The following ST8SIA1 variants were observed in gnomAD, a reference collection of about 807,000 sequenced individuals.
ST8SIA1 encodes the protein alpha-N-acetylneuraminide alpha-2,8-sialyltransferase.
ST8SIA1 carries 16 observed loss-of-function variants against 35.9 expected under a neutral mutation model. The observed-to-expected ratio is 0.45, with a 90% CI of 0.30 to 0.68. The LOEUF (loss-of-function observed/expected upper bound fraction) is 0.68. ST8SIA1 is among the 30% of genes least tolerant of loss of function. The pLI is 0.09. For missense variants in ST8SIA1, 383 were observed against 453.6 expected (o/e 0.84, Z 1.41); for synonymous variants, 170 against 169.6 (o/e 1.00, Z -0.02).
At chr12:22,230,880 G>A (rs1865411350) in intron 4 of ST8SIA1, among the ~76,000 whole-genome samples, 2 of 151,844 alleles carry the variant, frequency 1.3e-5, no homozygotes, top group South Asian at 4.2e-4. Flanking sequence ...GCAGTCCCCA[G>A]GCTGTTGTTT....
intron 2 of ST8SIA1, among the ~76,000 whole-genome samples, chr12:22,256,979 T>C (rs748627783): frequency 3.3e-5 from 5 of 152,226 alleles, no homozygotes; most frequent in Non-Finnish European, 7.3e-5. Context: ...TGTTTGTTTA[T>C]TCCACAAGTA....
At chr12:22,315,852 C>T (rs1241986849) in intron 1 of ST8SIA1, among the ~76,000 whole-genome samples, 3 of 151,494 alleles carry the variant, frequency 2.0e-5, no homozygotes, top group Admixed American at 1.3e-4. Context: ...AAAAGTCCAT[C>T]GGGATAAACA....
chr12:22,321,784 A>G (rs1866605625), intron 1 of ST8SIA1, among the ~76,000 whole-genome samples: 3 of 152,182 alleles, frequency 2.0e-5, no homozygotes, highest in Admixed American at 1.3e-4. Context: ...CCCCAAATTG[A>G]GACTCAGCTC....
intron 2 of ST8SIA1, among the ~76,000 whole-genome samples, chr12:22,279,196 G>A (rs1866005614): frequency 6.6e-6 from 1 of 152,194 alleles, no homozygotes; most frequent in Non-Finnish European, 1.5e-5. Context: ...GCCTTTAGGG[G>A]AATGATTGGG....
intron 4 of ST8SIA1, among the ~76,000 whole-genome samples, chr12:22,220,274 T>G (rs1166886336): frequency 6.6e-6 from 1 of 152,242 alleles, no homozygotes; most frequent in African/African-American, 2.4e-5. Flanking sequence ...CAGTCAATTA[T>G]GTCTTCCTCT....
In ST8SIA1 at chr12:22,283,874, C is replaced by T. The variant is rs187644990; in HGVS notation, c.381+3275G>A. 1.0e-3 allele frequency among the ~76,000 whole-genome samples: 154 copies of T among 152,194 alleles called. 2 individuals carry two copies. The highest frequency in any genetic ancestry group is 1.9e-4 in the Non-Finnish European group (13 of 68,014). On this transcript the variant is annotated intron_variant, in intron 2 of 4. Transcript: ENST00000396037. Reference sequence around the variant, plus strand: ...GTTCTCAAGAGCTCACAAGATGGTACTGAGATAGCAGATAAGGACTTTTAG... The same window carrying T: ...GTTCTCAAGAGCTCACAAGATGGTATTGAGATAGCAGATAAGGACTTTTAG...
chr12:22,264,412 C>T lies in ST8SIA1; in HGVS notation c.382-9023G>A, dbSNP rs548059986. On this transcript the variant is annotated intron_variant, in intron 2 of 4. Transcript: ENST00000396037. ...CAAATTCCCACAAGCGAATTCCTAG[C>T]GAGCATGGTGCCCAGCTAAACAAAC... Among the ~76,000 whole-genome samples the T allele has an allele frequency of 5.3e-5, 8 of 152,252 alleles. No individual in the cohort carries two copies. In the South Asian group the frequency reaches 1.2e-3, roughly 24 times the overall value.
At position 22,199,379 on chromosome 12, in the gene ST8SIA1, G is replaced by A. The variant is rs890770330; in HGVS notation, c.*2173C>T. ...TAACATTTTATTAACTTTTATATGC[G>A]TTTTTGTTAAGCCTTTTATATTTTT... is the stretch of plus-strand genomic sequence containing the variant. On this transcript the variant is annotated 3_prime_UTR_variant, in exon 5 of 5. Transcript: ENST00000396037. The A allele has an allele frequency of 2.6e-5, 4 of 151,658 alleles. No homozygotes were observed. The highest frequency in any genetic ancestry group is 7.3e-5 in the African/African-American group (3 of 41,312). The allele number at this position is 151,658 out of a possible 1,614,324, so 9.4% of individuals were successfully genotyped here.
At chr12:22,208,001 G>T (rs1162856999) in intron 4 of ST8SIA1, among the ~76,000 whole-genome samples, 1 of 151,914 alleles carries the variant, frequency 6.6e-6, no homozygotes, top group Non-Finnish European at 1.5e-5. Context: ...AAATTAGCTG[G>T]GTGTGGTGGC....
At chr12:22,224,822 T>A (rs999529426) in intron 4 of ST8SIA1, among the ~76,000 whole-genome samples, 2 of 152,174 alleles carry the variant, frequency 1.3e-5, no homozygotes, top group African/African-American at 4.8e-5. Context: ...CTTGTACTGA[T>A]CCCCAGAAAG....
chr12:22,304,794 C>A (rs1477342324), intron 1 of ST8SIA1, among the ~76,000 whole-genome samples: 1 of 152,152 alleles, frequency 6.6e-6, no homozygotes, highest in Non-Finnish European at 1.5e-5. Context: ...TGGGCTCTGC[C>A]CAGAGCTCAG....
Position 22,334,071 on chromosome 12 carries a change from C to A in ST8SIA1, c.162G>T (p.Glu54Asp). ...GCAGCACCCCCTGCACGATCTCTTT[C>A]TCGTTGGGCAGCCGGTAGACGGGGA... ...YIFPVYRLPN[E>D]KEIVQGVLQQ... Residue 54 changes from glutamate (E) to aspartate (D), a missense_variant, in exon 1 of 5, where the codon GAG becomes GAT. Transcript: ENST00000396037. 6.2e-7 allele frequency: 1 copy of A among 1,614,156 alleles called. No individual in the cohort carries two copies. Among genetic ancestry groups the A allele is most frequent in the Non-Finnish European group, 8.5e-7 (1 of 1,180,040 alleles).
At chr12:22,219,475 G>A (rs1336675940) in intron 4 of ST8SIA1, among the ~76,000 whole-genome samples, 1 of 152,068 alleles carries the variant, frequency 6.6e-6, no homozygotes, top group Non-Finnish European at 1.5e-5. Flanking sequence ...TGGAGGCGAG[G>A]GCACTTGAAA....
chr12:22,211,169 T>C lies in ST8SIA1; in HGVS notation c.585-9131A>G, dbSNP rs149421516. 3.2e-3 allele frequency among the ~76,000 whole-genome samples: 488 copies of C among 152,314 alleles called. 3 individuals carry two copies. Among genetic ancestry groups the C allele is most frequent in the Non-Finnish European group, 5.7e-3 (391 of 68,028 alleles). ...AGAGGGAGAGATGCATAGGGCAATG[T>C]ATGGAGGAAGGAATCTGCAACCCTC... On this transcript the variant is annotated intron_variant, in intron 4 of 4. Coordinates refer to ENST00000396037, the MANE Select transcript of ST8SIA1 (RefSeq NM_003034.4).
chr12:22,214,092 C>T (rs1427280306), intron 4 of ST8SIA1, among the ~76,000 whole-genome samples: 2 of 151,916 alleles, frequency 1.3e-5, no homozygotes, highest in African/African-American at 4.8e-5. Context: ...CAGACATGAG[C>T]CAACAAGAAG....
intron 4 of ST8SIA1, among the ~76,000 whole-genome samples, chr12:22,218,265 A>G (rs1865256141): frequency 6.6e-6 from 1 of 152,046 alleles, no homozygotes; most frequent in Non-Finnish European, 1.5e-5. Flanking sequence ...CAGAGGTTGC[A>G]GTGGGCCGAG....
At chr12:22,223,352 T>C (rs1865320922) in intron 4 of ST8SIA1, 1 of 177,974 alleles carries the variant, frequency 5.6e-6, no homozygotes, top group Non-Finnish European at 1.1e-5. Context: ...ATAATTTGAA[T>C]GTTTAGAGTG....
At chr12:22,238,471 C>T (rs1865501297) in intron 4 of ST8SIA1, among the ~76,000 whole-genome samples, 1 of 152,142 alleles carries the variant, frequency 6.6e-6, no homozygotes, top group South Asian at 2.1e-4. Context: ...TTTGGCCAGC[C>T]CCGGCTGCTC....
In ST8SIA1 at chr12:22,244,010, A is replaced by G. The variant is rs562378237; in HGVS notation, c.584+4996T>C. ...GCACCACTGTACTCCAGTCCGGGCA[A>G]CAAGAATGAAATTCTGTCTCAAAAA... On this transcript the variant is annotated intron_variant, in intron 4 of 4. Transcript: ENST00000396037. Among the ~76,000 whole-genome samples the G allele has an allele frequency of 3.3e-5, 5 of 149,444 alleles. No individual in the cohort carries two copies. The South Asian group carries it at 1.1e-3, about 33-fold the overall frequency.
Sources: allele counts gnomAD v4.1 joint callset (sites outside exome capture counted in the v4.1 genomes callset), GRCh38; gene constraint gnomAD v4.1.1; transcripts MANE v1.5; gene names NCBI Gene and HGNC (gene_info 2026-07-23, HGNC 2026-07-21).